Variants in GALNT14 observed in about 807,000 individuals in gnomAD.
GALNT14 encodes the protein UDP-GalNAc:polypeptide N-acetylgalactosaminyltransferase 14.
In GALNT14, 60 loss-of-function variants were observed where a neutral mutation model predicts 77.5. The ratio of observed to expected loss-of-function variants is 0.77; its 90% CI spans 0.63 to 0.96. The LOEUF is 0.96. GALNT14 is among the 40% of genes least tolerant of loss of function. The pLI, the probability that GALNT14 is intolerant of heterozygous loss-of-function variation, is 0.00. For missense variants in GALNT14, 710 were observed against 731.0 expected (o/e 0.97, Z 0.33); for synonymous variants, 280 against 281.7 (o/e 0.99, Z 0.06).
intron 1 of GALNT14, among the ~76,000 whole-genome samples, chr2:31,052,638 G>A (rs1397804578): frequency 2.0e-5 from 3 of 151,844 alleles, no homozygotes; most frequent in African/African-American, 4.9e-5. Flanking sequence ...TATCCTCAGG[G>A]AGGTGGGAGA....
intron 1 of GALNT14, chr2:31,125,365 G>T: frequency 1.3e-6 from 1 of 788,050 alleles, no homozygotes. Context: ...CCATAGGAAA[G>T]ATCTGGATCC....
chr2:31,080,063 A>G (rs535664257), intron 1 of GALNT14, among the ~76,000 whole-genome samples: 1 of 152,376 alleles, frequency 6.6e-6, no homozygotes, highest in East Asian at 1.9e-4. Context: ...ATACACATCA[A>G]TGAAAACAGT....
the GALNT14 span, among the ~76,000 whole-genome samples, chr2:30,897,500 T>C: frequency 2.6e-5 from 4 of 152,178 alleles, no homozygotes; most frequent in Non-Finnish European, 4.4e-5. Flanking sequence ...ACCAGAAGTT[T>C]CTAACTAAGG....
rs1217720287 is a variant in GALNT14, at chr2:31,078,989, G to C, written c.129+58969C>G. The C allele has an allele frequency of 2.3e-6, 3 of 1,289,152 alleles. No individual in the cohort carries two copies. The Admixed American group carries it at 6.9e-5, about 30-fold the overall frequency. The allele number at this position is 1,289,152 out of a possible 1,614,324, so 79.9% of individuals were successfully genotyped here. A position where few individuals can be genotyped will look rare whatever the true frequency, so the allele number is the denominator to read the frequency against. ...TCCATGCCTGGGAGGGAGAGCAGGG[G>C]AGCTACAGTGGGCTGCTGAAATTGC... On this transcript the variant is annotated intron_variant, in intron 1 of 14. Coordinates refer to ENST00000349752, the MANE Select transcript of GALNT14 (RefSeq NM_024572.4).
intron 2 of GALNT14, among the ~76,000 whole-genome samples, chr2:30,977,598 C>A (rs190076463): frequency 6.6e-6 from 1 of 152,214 alleles, no homozygotes; most frequent in Admixed American, 6.5e-5. Context: ...AAAGTTCCTC[C>A]AATTGCAACA....
At chr2:30,916,395 G>T (rs548358147) in intron 13 of GALNT14, among the ~76,000 whole-genome samples, 90 of 152,252 alleles carry the variant, frequency 5.9e-4, no homozygotes, top group Non-Finnish European at 9.9e-4. Context: ...CTCAACCCTC[G>T]GTTTGGTCCG....
At chr2:30,934,235 C>T (rs954232828) in intron 9 of GALNT14, among the ~76,000 whole-genome samples, 1 of 152,150 alleles carries the variant, frequency 6.6e-6, no homozygotes, top group African/African-American at 2.4e-5. Context: ...CTTGCAGTAG[C>T]ACATAGAGGA....
At chr2:31,071,977 G>A (rs1675405550) in intron 1 of GALNT14, among the ~76,000 whole-genome samples, 1 of 152,190 alleles carries the variant, frequency 6.6e-6, no homozygotes, top group African/African-American at 2.4e-5. Flanking sequence ...TGGAGACGGT[G>A]CCCAGGAGAC....
intron 1 of GALNT14, among the ~76,000 whole-genome samples, chr2:31,080,188 G>C (rs545455412): frequency 6.6e-6 from 1 of 152,176 alleles, no homozygotes; most frequent in Admixed American, 6.5e-5. Context: ...CTGAAAATTG[G>C]ACTGATACTC....
chr2:30,892,413 T>C, the GALNT14 span, among the ~76,000 whole-genome samples: 1 of 152,104 alleles, frequency 6.6e-6, no homozygotes, highest in African/African-American at 2.4e-5. Context: ...GGGGAAACAG[T>C]AACAAGCTAA....
rs1204985173 is a variant in GALNT14 at position 31,119,879 on chromosome 2, G to A, written c.129+18079C>T. ...GTCATTAAAAATAATGAGCTAGGCC[G>A]GGCGCGGTGGCTCACGCCTGTAATC... On this transcript the variant is annotated intron_variant, in intron 1 of 14. Coordinates refer to ENST00000349752, the MANE Select transcript of GALNT14 (RefSeq NM_024572.4). Among the ~76,000 whole-genome samples, 4 of 74,974 alleles carry A rather than the reference G, an allele frequency of 5.3e-5. 1 individual carries two copies. Among genetic ancestry groups the A allele is most frequent in the Non-Finnish European group, 1.6e-4 (4 of 25,756 alleles). The allele number at this position is 74,974 out of a possible 152,430, so 49.2% of individuals were successfully genotyped here.
At chr2:31,047,080 C>T (rs1307217783) in intron 1 of GALNT14, among the ~76,000 whole-genome samples, 2 of 152,134 alleles carry the variant, frequency 1.3e-5, no homozygotes, top group African/African-American at 4.8e-5. Flanking sequence ...ATCACCTTCC[C>T]CACAGAACCC....
intron 1 of GALNT14, among the ~76,000 whole-genome samples, chr2:31,084,534 G>T (rs538421846): frequency 5.3e-5 from 8 of 152,304 alleles, no homozygotes; most frequent in Admixed American, 2.0e-4. Flanking sequence ...TGCTCAGCTT[G>T]CCTGGGCCAT....
At chr2:30,992,804 G>T in intron 2 of GALNT14, 34 bp downstream of exon 2, 1 of 1,605,078 alleles carries the variant, frequency 6.2e-7, no homozygotes, top group South Asian at 1.1e-5. Flanking sequence ...TCTTTTGACT[G>T]CGGGGGTAAC....
intron 2 of GALNT14, among the ~76,000 whole-genome samples, chr2:30,989,900 T>C (rs1669596992): frequency 6.6e-6 from 1 of 151,810 alleles, no homozygotes. Context: ...AGGATCAGTA[T>C]CCTTAGCCCC....
chr2:30,912,686 G>T (rs1342509514), intron 13 of GALNT14, among the ~76,000 whole-genome samples: 1 of 152,108 alleles, frequency 6.6e-6, no homozygotes, highest in Non-Finnish European at 1.5e-5. Context: ...AAAACATCTC[G>T]AGGGGGTCTG....
chr2:30,972,033 C>T (rs994597103), intron 2 of GALNT14, among the ~76,000 whole-genome samples: 2 of 152,242 alleles, frequency 1.3e-5, no homozygotes, highest in Non-Finnish European at 2.9e-5. Flanking sequence ...CATGATCTTC[C>T]TCCTGCGGCA....
At chr2:31,125,144 G>A (rs967118628) in intron 1 of GALNT14, 1 of 1,543,192 alleles carries the variant, frequency 6.5e-7, no homozygotes, top group East Asian at 2.4e-5. Flanking sequence ...GGGACACACA[G>A]TCAACCTACC....
intron 1 of GALNT14, chr2:31,079,100 T>C (rs1258338358): frequency 4.1e-6 from 5 of 1,220,064 alleles, no homozygotes; most frequent in Admixed American, 2.8e-5. Flanking sequence ...ATGCATATGA[T>C]GATATTTGGC....
Sources: gnomAD v4.1 joint callset for allele counts (sites outside exome capture counted in the v4.1 genomes callset) on GRCh38, gnomAD v4.1.1 for gene constraint, MANE v1.5 for transcripts, NCBI Gene and HGNC (gene_info 2026-07-23, HGNC 2026-07-21) for gene names.